The following AMPD3 variants were observed in gnomAD, a reference collection of about 807,000 sequenced individuals.
The protein encoded by AMPD3 is AMP deaminase 3.
In AMPD3, 57 loss-of-function variants were observed where a neutral mutation model predicts 82.3. The ratio of observed to expected loss-of-function variants is 0.69; its 90% CI spans 0.56 to 0.86. The LOEUF (loss-of-function observed/expected upper bound fraction) is 0.86, where lower values mean the gene tolerates loss of function less well. AMPD3 is among the 40% of genes least tolerant of loss of function. The pLI, the probability that AMPD3 is intolerant of heterozygous loss-of-function variation, is 0.00. For missense variants in AMPD3, 870 were observed against 1,003.8 expected (o/e 0.87, Z 1.80); for synonymous variants, 381 against 394.7 (o/e 0.97, Z 0.41).
chr11:10,466,126 G>A (rs1848413693), intron 2 of AMPD3, among the ~76,000 whole-genome samples: 2 of 152,172 alleles, frequency 1.3e-5, no homozygotes, highest in Non-Finnish European at 2.9e-5. Flanking sequence ...GCCGGGCGTG[G>A]TGGGGGGCAC....
intron 3 of AMPD3, among the ~76,000 whole-genome samples, chr11:10,480,526 CTAAA>C (rs1848873181): frequency 6.6e-6 from 1 of 152,096 alleles, no homozygotes; most frequent in East Asian, 1.9e-4. Flanking sequence ...TTAGTATTTA[CTAAA>C]TACTACTTCT....
intron 2 of AMPD3, among the ~76,000 whole-genome samples, chr11:10,462,181 G>A (rs981376482): frequency 6.6e-6 from 1 of 151,994 alleles, no homozygotes; most frequent in Non-Finnish European, 1.5e-5. Flanking sequence ...TTAAGTAACT[G>A]GACAAATTAA....
At chr11:10,501,425 C>A (rs752924077) in intron 11 of AMPD3, 45 bp from the exon 12 acceptor site, 9 of 1,607,896 alleles carry the variant, frequency 5.6e-6, no homozygotes, top group Non-Finnish European at 7.6e-6. Context: ...CAGGCAGAGC[C>A]AACTGGGGGG....
chr11:10,483,652 C>T (rs1428997265), intron 4 of AMPD3, among the ~76,000 whole-genome samples: 2 of 152,260 alleles, frequency 1.3e-5, no homozygotes, highest in Admixed American at 6.5e-5. Flanking sequence ...CTGCATCTCA[C>T]AGACCACTGC....
chr11:10,476,562 G>A (rs1848745153), intron 2 of AMPD3, among the ~76,000 whole-genome samples: 1 of 152,022 alleles, frequency 6.6e-6, no homozygotes, highest in Non-Finnish European at 1.5e-5. Flanking sequence ...GGTAGGACCA[G>A]ACCTCAGGCA....
chr11:10,462,063 G>A (rs1032184189), intron 2 of AMPD3, among the ~76,000 whole-genome samples: 1 of 152,126 alleles, frequency 6.6e-6, no homozygotes, highest in African/African-American at 2.4e-5. Flanking sequence ...CACTTGACAA[G>A]CATTTTGCAT....
upstream of AMPD3, among the ~76,000 whole-genome samples, chr11:10,452,962 T>C (rs140156846): frequency 3.9e-5 from 6 of 152,266 alleles, no homozygotes; most frequent in African/African-American, 1.4e-4. Flanking sequence ...TGTTGTTTGT[T>C]TGTTTGAAAT....
At chr11:10,470,784 A>G (rs542094069) in intron 2 of AMPD3, among the ~76,000 whole-genome samples, 5 of 152,342 alleles carry the variant, frequency 3.3e-5, no homozygotes, top group African/African-American at 9.6e-5. Context: ...AAGGAGAATT[A>G]CAAACCACTG....
At chr11:10,461,886 A>T in intron 2 of AMPD3, 146 bp downstream of exon 2, 1 of 743,652 alleles carries the variant, frequency 1.3e-6, no homozygotes, top group Admixed American at 2.2e-5. Flanking sequence ...CACTTAACTC[A>T]CCTCTTATTT....
At chr11:10,499,540 C>G in intron 10 of AMPD3, 1 of 471,086 alleles carries the variant, frequency 2.1e-6, no homozygotes, top group Non-Finnish European at 2.8e-6. Flanking sequence ...GAGCAACTTT[C>G]TTAATTGCTT....
chr11:10,498,703 G>A (rs1849491837), intron 10 of AMPD3, among the ~76,000 whole-genome samples: 1 of 152,250 alleles, frequency 6.6e-6, no homozygotes, highest in Non-Finnish European at 1.5e-5. Flanking sequence ...CATAGGAACA[G>A]GAGAGGCCAG....
intron 4 of AMPD3, among the ~76,000 whole-genome samples, chr11:10,483,601 C>T (rs562587631): frequency 4.2e-4 from 64 of 152,370 alleles, no homozygotes; most frequent in African/African-American, 1.5e-3. Flanking sequence ...GGAGCAACTT[C>T]CGAACATGCA....
intron 2 of AMPD3, among the ~76,000 whole-genome samples, chr11:10,471,203 G>A (rs1475705302): frequency 6.6e-6 from 1 of 152,172 alleles, no homozygotes; most frequent in East Asian, 1.9e-4. Context: ...GCACAAACAA[G>A]CAATGGGGAA....
At chr11:10,487,462 T>G (rs1849108480) in intron 6 of AMPD3, 98 bp downstream of exon 6, 3 of 1,561,876 alleles carry the variant, frequency 1.9e-6, no homozygotes, top group Non-Finnish European at 2.6e-6. Flanking sequence ...CTGTGAGAAC[T>G]TCAGGGCTCC....
At chr11:10,453,838 C>T (rs189808662), upstream of AMPD3, among the ~76,000 whole-genome samples, 120 of 152,214 alleles carry the variant, frequency 7.9e-4, no homozygotes, top group Admixed American at 1.8e-3. Context: ...CCACCTGCCT[C>T]GGGCTCCCAA....
At chr11:10,490,840 C>T (rs36075284) in intron 6 of AMPD3, among the ~76,000 whole-genome samples, 13,845 of 152,180 alleles carry the variant, frequency 0.091, 727 homozygotes, top group Middle Eastern at 0.15. Context: ...GTGCATCCCA[C>T]GTGAGCCCAG....
intron 2 of AMPD3, among the ~76,000 whole-genome samples, chr11:10,463,871 C>A (rs972422932): frequency 6.6e-6 from 1 of 152,238 alleles, no homozygotes; most frequent in African/African-American, 2.4e-5. Flanking sequence ...AGGACTGGAT[C>A]CATTGTGGAA....
chr11:10,462,309 C>A (rs1848294326), intron 2 of AMPD3, among the ~76,000 whole-genome samples: 1 of 152,120 alleles, frequency 6.6e-6, no homozygotes. Flanking sequence ...TGGTAGAGAG[C>A]TGAGAAACCA....
chr11:10,481,982 AATCTTGCAAGCAC>A (rs1317064886), intron 3 of AMPD3, 68 bp from the exon 4 acceptor site: 2 of 1,581,584 alleles, frequency 1.3e-6, no homozygotes, highest in African/African-American at 2.7e-5. Context: ...GGCAAGGGCC[AATCTTGCAAGCAC>A]ATCTTTCCAA....
Sources: allele counts gnomAD v4.1 joint callset (sites outside exome capture counted in the v4.1 genomes callset), GRCh38; gene constraint gnomAD v4.1.1; transcripts MANE v1.5; gene names NCBI Gene and HGNC (gene_info 2026-07-23, HGNC 2026-07-21).